CSMD1: variants seen among roughly 807,000 people sequenced by gnomAD.
CSMD1 encodes CUB and sushi domain-containing protein 1.
A neutral mutation model predicts 417.5 loss-of-function variants in CSMD1; 213 were observed. That is an observed-to-expected ratio of 0.51 (90% CI 0.46 to 0.57). The LOEUF (loss-of-function observed/expected upper bound fraction) is 0.57. CSMD1 is among the 20% of genes least tolerant of loss of function. The pLI is 0.00. For synonymous variants in CSMD1, 2,862 were observed against 1,736.8 expected, an observed-to-expected ratio of 1.65 and a Z score of -16.11; for missense variants, 6,923 against 4,529.7, an observed-to-expected ratio of 1.53 and a Z score of -15.17.
rs780538083 is a variant in CSMD1, at chr8:4,243,781, G to T, written c.415+176172C>A. On this transcript the variant is annotated intron_variant, in intron 3 of 69. Transcript: ENST00000635120. ...ATCATTCTAGTATTCAACGAGGAAA[G>T]AAAGAAAAGCAAATCATGACAAGGT... Among the ~76,000 whole-genome samples the T allele has an allele frequency of 2.6e-5, 4 of 152,136 alleles. No homozygotes were observed. In the East Asian group the frequency reaches 5.8e-4, roughly 22 times the overall value.
At chr8:3,707,555 G>A (rs779336519) in intron 7 of CSMD1, among the ~76,000 whole-genome samples, 39 of 152,212 alleles carry the variant, frequency 2.6e-4, no homozygotes, top group Middle Eastern at 6.8e-3. Context: ...CTCAGTAGAC[G>A]GTACTCATCT....
Position 3,308,314 on chromosome 8 carries a change from A to C in CSMD1, c.3821T>G (p.Ile1274Arg), listed in dbSNP as rs769731485. 2.2e-5 allele frequency: 36 copies of C among 1,604,602 alleles called. No homozygotes were observed. In the Admixed American group the frequency reaches 4.2e-4, roughly 19 times the overall value. ...GGTATGACTGCTTCCACACTCACCTATGCACGAAGGTAGTGGTTTGTCCCA... is the reference window on the plus strand; with the variant it reads ...GGTATGACTGCTTCCACACTCACCTCTGCACGAAGGTAGTGGTTTGTCCCA... The part of the protein sequence containing the change: ...RVWDKPLPSC[I>R]AECGGQIHAA... The change falls in exon 24 of 70, where the codon ATA becomes AGA. Residue 1274 changes from isoleucine (I) to arginine (R), a missense_variant and splice_region_variant. Transcript: ENST00000635120.
At chr8:2,973,410 G>A (rs540888508) in intron 56 of CSMD1, 111 bp from the exon 57 acceptor site, 2 of 1,053,184 alleles carry the variant, frequency 1.9e-6, no homozygotes, top group African/African-American at 1.6e-5. Context: ...TTTCACATGA[G>A]TTATGGTTAC....
chr8:4,441,392 C>T (rs1468629009), intron 2 of CSMD1, among the ~76,000 whole-genome samples: 1 of 151,128 alleles, frequency 6.6e-6, no homozygotes, highest in Admixed American at 6.6e-5. Flanking sequence ...TAATCACAGG[C>T]ATGAGCCAAC....
At chr8:4,261,647 C>G (rs1452605102) in intron 3 of CSMD1, among the ~76,000 whole-genome samples, 1 of 152,032 alleles carries the variant, frequency 6.6e-6, no homozygotes, top group South Asian at 2.1e-4. Context: ...TAGGCTCAGG[C>G]AATCCTGCCA....
intron 7 of CSMD1, among the ~76,000 whole-genome samples, chr8:3,665,272 G>C (rs1366311644): frequency 1.3e-5 from 2 of 152,132 alleles, no homozygotes; most frequent in East Asian, 1.9e-4. Flanking sequence ...TGTAATTCCT[G>C]TAATCCCAGC....
chr8:3,962,574 G>A (rs1222977506), intron 5 of CSMD1, among the ~76,000 whole-genome samples: 1 of 152,068 alleles, frequency 6.6e-6, no homozygotes, highest in Non-Finnish European at 1.5e-5. Flanking sequence ...CACACGAGGA[G>A]TAAGCAATGA....
rs542146525 is a variant in CSMD1, at chr8:4,166,295, A to G, written c.416-134196T>C. Among the ~76,000 whole-genome samples the G allele has an allele frequency of 7.9e-5, 12 of 152,332 alleles. No individual in the cohort carries two copies. The South Asian group carries it at 1.4e-3, about 18-fold the overall frequency. ...CATAAACATAAAAGTTCTTAATGGA[A>G]TATTTTGTATTATCTTTTTTGTAAC... On this transcript the variant is annotated intron_variant, in intron 3 of 69. Transcript: ENST00000635120.
intron 37 of CSMD1, among the ~76,000 whole-genome samples, chr8:3,170,242 C>G (rs944166250): frequency 6.6e-6 from 1 of 152,186 alleles, no homozygotes; most frequent in Non-Finnish European, 1.5e-5. Context: ...GAGTCTCGCT[C>G]TGTGGCCCAG....
intron 5 of CSMD1, among the ~76,000 whole-genome samples, chr8:3,871,578 T>G (rs1478545396): frequency 6.6e-6 from 1 of 152,194 alleles, no homozygotes; most frequent in Non-Finnish European, 1.5e-5. Flanking sequence ...ATTCATAATT[T>G]TTATATATTA....
At chr8:3,887,537 C>G (rs1209311405) in intron 5 of CSMD1, among the ~76,000 whole-genome samples, 2 of 152,168 alleles carry the variant, frequency 1.3e-5, no homozygotes, top group African/African-American at 4.8e-5. Flanking sequence ...ATGTCCAGAC[C>G]TTAATCTCAA....
intron 26 of CSMD1, among the ~76,000 whole-genome samples, chr8:3,242,529 G>A (rs931672332): frequency 6.6e-6 from 1 of 152,112 alleles, no homozygotes; most frequent in Non-Finnish European, 1.5e-5. Context: ...TGGAAAAATT[G>A]AAAGTGCCAT....
rs572429266 is a variant in CSMD1, at chr8:4,271,018, C to G, written c.415+148935G>C. 3.9e-5 allele frequency among the ~76,000 whole-genome samples: 6 copies of G among 152,242 alleles called. No individual in the cohort carries two copies. The East Asian group carries it at 9.6e-4, about 24-fold the overall frequency. On this transcript the variant is annotated intron_variant, in intron 3 of 69. Transcript: ENST00000635120. The stretch of plus-strand genomic sequence containing the variant: ...TTTTAAATTGTTATGAGAGCAGGTC[C>G]TAGTGGGAAGAGAGTTAAAGAAAGA...
chr8:3,605,181 A>T (rs1801551010), intron 8 of CSMD1, among the ~76,000 whole-genome samples: 1 of 152,138 alleles, frequency 6.6e-6, no homozygotes, highest in African/African-American at 2.4e-5. Flanking sequence ...TAGTAGAAAC[A>T]GGGTTTCCCT....
At chr8:3,783,039 G>A (rs58025167) in intron 5 of CSMD1, among the ~76,000 whole-genome samples, 14 of 152,230 alleles carry the variant, frequency 9.2e-5, no homozygotes, top group South Asian at 2.1e-4. Flanking sequence ...TTCATCTTCT[G>A]TACTGACACT....
At chr8:4,069,428 T>C (rs186339279) in intron 3 of CSMD1, among the ~76,000 whole-genome samples, 5 of 152,330 alleles carry the variant, frequency 3.3e-5, no homozygotes, top group Admixed American at 2.6e-4. Context: ...GCATCTATGA[T>C]ATTCACCGTA....
chr8:4,268,700 T>G (rs1163637607), intron 3 of CSMD1, among the ~76,000 whole-genome samples: 1 of 151,976 alleles, frequency 6.6e-6, no homozygotes, highest in East Asian at 1.9e-4. Flanking sequence ...GTATCTCAAT[T>G]TTTTTTGAAG....
intron 7 of CSMD1, among the ~76,000 whole-genome samples, chr8:3,624,421 C>T (rs1302526069): frequency 1.3e-5 from 2 of 152,268 alleles, no homozygotes; most frequent in African/African-American, 2.4e-5. Flanking sequence ...AATAAATAAA[C>T]CAATATAAGA....
In CSMD1 at chr8:3,018,639, C is replaced by T; in HGVS notation, c.7867G>A (p.Gly2623Arg). 1.9e-6 allele frequency: 3 copies of T among 1,612,208 alleles called. No homozygotes were observed. Among genetic ancestry groups the T allele is most frequent in the Non-Finnish European group, 2.5e-6 (3 of 1,179,042 alleles). The change falls in exon 52 of 70, where the codon GGA becomes AGA. Residue 2623 changes from glycine to arginine, a missense_variant. Gly to Arg is a moderately radical substitution (Grantham distance 125). Transcript: ENST00000635120. ...CCATTTGGGGGAAAGGAAAGGCTTC[C>T]ACACGAGATAACTAGAAGGAAAAAC... ...ERPSCRVISC[G>R]SLSFPPNGNK...
Sources: allele counts gnomAD v4.1 joint callset (sites outside exome capture counted in the v4.1 genomes callset), GRCh38; gene constraint gnomAD v4.1.1; transcripts MANE v1.5; gene names NCBI Gene and HGNC (gene_info 2026-07-23, HGNC 2026-07-21).